The following FECH variants were observed in gnomAD, a reference collection of about 807,000 sequenced individuals.
The protein encoded by FECH is ferrochelatase, also known as ferrochelatase, mitochondrial.
FECH carries 40 observed loss-of-function variants against 56.9 expected under a neutral mutation model. The ratio of observed to expected loss-of-function variants is 0.70; its 90% CI spans 0.55 to 0.92. FECH has a LOEUF of 0.92. FECH is among the 40% of genes least tolerant of loss of function. The pLI is 0.00. For synonymous variants in FECH, 175 were observed against 198.6 expected (o/e 0.88, Z 1.00); for missense variants, 431 against 529.1 (o/e 0.81, Z 1.82).
chr18:57,567,584 G>A (rs989807845), intron 4 of FECH, among the ~76,000 whole-genome samples: 1 of 152,176 alleles, frequency 6.6e-6, no homozygotes, highest in African/African-American at 2.4e-5. Flanking sequence ...TGAGTGTCAG[G>A]TAATAAATAA....
At chr18:57,560,638 G>C (rs2122276044) in intron 6 of FECH, among the ~76,000 whole-genome samples, 1 of 152,318 alleles carries the variant, frequency 6.6e-6, no homozygotes, top group Admixed American at 6.5e-5. Context: ...GCAACAGAGT[G>C]AAACCCTGCC....
At chr18:57,581,891 C>G (rs1317428540) in intron 1 of FECH, among the ~76,000 whole-genome samples, 2 of 152,148 alleles carry the variant, frequency 1.3e-5, no homozygotes, top group Non-Finnish European at 2.9e-5. Flanking sequence ...AGATTGTACA[C>G]ATTCCTAGCA....
intron 3 of FECH, among the ~76,000 whole-genome samples, chr18:57,572,333 G>A (rs2051122130): frequency 1.3e-5 from 2 of 151,894 alleles, no homozygotes; most frequent in Admixed American, 1.3e-4. Flanking sequence ...AACACCGCAT[G>A]TTCTCACTCA....
intron 6 of FECH, among the ~76,000 whole-genome samples, chr18:57,560,064 A>G (rs554847661): frequency 1.1e-4 from 16 of 152,360 alleles, no homozygotes; most frequent in African/African-American, 3.8e-4. Flanking sequence ...GCTACAAAAG[A>G]CACAAATGGG....
At chr18:57,554,773 A>G in intron 8 of FECH, 72 bp downstream of exon 8, 1 of 1,295,454 alleles carries the variant, frequency 7.7e-7, no homozygotes. Context: ...AGCCAAATCT[A>G]ACCATTTTAT....
intron 7 of FECH, 65 bp from the exon 8 acceptor site, chr18:57,555,017 A>G (rs542677284): frequency 1.6e-6 from 2 of 1,232,562 alleles, no homozygotes; most frequent in Non-Finnish European, 2.4e-6. Flanking sequence ...GCCTCTGACT[A>G]TGTGCTGACA....
chr18:57,551,352 C>T lies in FECH; in HGVS notation c.1100G>A (p.Arg367Lys). 1 of 1,613,164 alleles carries T rather than the reference C, an allele frequency of 6.2e-7. No individual in the cohort carries two copies. The highest frequency in any genetic ancestry group is 8.5e-7 in the Non-Finnish European group (1 of 1,179,288). ...AKECGVENIR[R>K]AESLNGNPLF... Reference sequence around the variant, plus strand: ...TGGATTTCCATTAAGAGACTCAGCTCTTCTGATGTTTTCAACTCCACACTG... The same window carrying T: ...TGGATTTCCATTAAGAGACTCAGCTTTTCTGATGTTTTCAACTCCACACTG... The change falls in exon 10 of 11, where the codon AGA becomes AAA. Residue 367 changes from arginine to lysine, a missense_variant. By Grantham distance (26) the Arg-to-Lys change is conservative. Transcript: ENST00000262093.
In FECH at chr18:57,545,120, T is replaced by C. The variant is rs2050702965; in HGVS notation, c.*5592A>G. Among the ~76,000 whole-genome samples, 1 of 152,196 alleles carries C rather than the reference T, an allele frequency of 6.6e-6. No homozygotes were observed. Among genetic ancestry groups the C allele is most frequent in the Non-Finnish European group, 1.5e-5 (1 of 68,038 alleles). ...TGGAGAGGGGAAGTTGGCCTGTCTG[T>C]TCCCATTTCAGGAGCAGGCTAAGAG... is the stretch of plus-strand genomic sequence containing the variant. On this transcript the variant is annotated 3_prime_UTR_variant, in exon 11 of 11. Transcript: ENST00000262093.
In FECH at chr18:57,573,263, C is replaced by T; in HGVS notation, c.297G>A (p.Met99Ile). ...LLRLFLDRDL[M>I]TLPIQNKLAP... ...TATCTCACTTCTGAATAGGAAGTGT[C>T]ATGAGGTCTCGGTCCAAGAAGAGTC... is the stretch of plus-strand genomic sequence containing the variant. Residue 99 changes from methionine to isoleucine, a missense_variant, in exon 3 of 11, where the codon ATG becomes ATA. By Grantham distance (10) the Met-to-Ile change is conservative. Coordinates refer to ENST00000262093, the MANE Select transcript of FECH (RefSeq NM_000140.5). The T allele has an allele frequency of 1.2e-6, 2 of 1,613,622 alleles. No individual in the cohort carries two copies. The highest frequency in any genetic ancestry group is 1.7e-6 in the Non-Finnish European group (2 of 1,179,520).
In FECH at chr18:57,577,540, C is replaced by G. The variant is rs572438040; in HGVS notation, c.194+2533G>C. On this transcript the variant is annotated intron_variant, in intron 2 of 10. Transcript: ENST00000262093. ...TCAGAAGAATCCACAAAGACACTCA[C>G]TGCTTCACCATTTCTAATATTAAAA... is the stretch of plus-strand genomic sequence containing the variant. 2.2e-4 allele frequency among the ~76,000 whole-genome samples: 33 copies of G among 152,358 alleles called. No individual in the cohort carries two copies. In the East Asian group the frequency reaches 6.2e-3, roughly 28 times the overall value.
rs1555680152 is a variant in FECH at position 57,563,031 on chromosome 18, T to A, written c.599-51A>T. On this transcript the variant is annotated intron_variant, in intron 5 of 10. Transcript: ENST00000262093. ...AGATGCATTTTGATTATGGTGAAAATAAAAAACAGACTCGTAAAGGTAGTA... is the reference window on the plus strand; with the variant it reads ...AGATGCATTTTGATTATGGTGAAAAAAAAAAACAGACTCGTAAAGGTAGTA... The A allele has an allele frequency of 6.9e-7, 1 of 1,454,652 alleles. No homozygotes were observed. Among genetic ancestry groups the A allele is most frequent in the Non-Finnish European group, 9.6e-7 (1 of 1,042,514 alleles). The allele number at this position is 1,454,652 out of a possible 1,614,324, so 90.1% of individuals were successfully genotyped here.
At chr18:57,561,631 A>C (rs763086167) in intron 6 of FECH, among the ~76,000 whole-genome samples, 1 of 152,230 alleles carries the variant, frequency 6.6e-6, no homozygotes. Context: ...TCCTCAGTTA[A>C]GAGACCTTTC....
Position 57,583,031 on chromosome 18 carries a change from CT to C in FECH, c.68-2833del, listed in dbSNP as rs563257693. On this transcript the variant is annotated intron_variant, in intron 1 of 10. Coordinates refer to ENST00000262093, the MANE Select transcript of FECH (RefSeq NM_000140.5). Reference sequence around the variant, plus strand: ...TCAAGCTGCTTAACTATTACCATGTCTTACTTACAAAATTATTTTCTCCATG... The same window carrying C: ...TCAAGCTGCTTAACTATTACCATGTCTACTTACAAAATTATTTTCTCCATG... Among the ~76,000 whole-genome samples, 211 of 152,178 alleles carry C rather than the reference CT, an allele frequency of 1.4e-3. 1 individual carries two copies. The highest frequency in any genetic ancestry group is 5.0e-3 in the African/African-American group (207 of 41,518).
chr18:57,577,304 T>A (rs1286392844), intron 2 of FECH, among the ~76,000 whole-genome samples: 2 of 149,630 alleles, frequency 1.3e-5, no homozygotes, highest in African/African-American at 4.8e-5. Context: ...CCCCTCATTG[T>A]TTATGTAATA....
At chr18:57,561,444 CGCCATGG>C (rs2122278839) in intron 6 of FECH, among the ~76,000 whole-genome samples, 1 of 152,212 alleles carries the variant, frequency 6.6e-6, no homozygotes, top group East Asian at 1.9e-4. Flanking sequence ...AAAACTGAGG[CGCCATGG>C]GCAAGGAGAA....
At chr18:57,573,505 T>TA in intron 2 of FECH, 140 bp from the exon 3 acceptor site, 1 of 978,292 alleles carries the variant, frequency 1.0e-6, no homozygotes, top group South Asian at 1.3e-5. Flanking sequence ...GTCACACAGA[T>TA]ACCTATTCGG....
chr18:57,580,784 T>C (rs1029427255), intron 1 of FECH, among the ~76,000 whole-genome samples: 1 of 152,092 alleles, frequency 6.6e-6, no homozygotes, highest in African/African-American at 2.4e-5. Flanking sequence ...CAAGGAGACA[T>C]GCCACCCCAG....
Position 57,571,546 on chromosome 18 carries a change from T to C in FECH, c.315-6A>G. 2 of 1,614,018 alleles carry C rather than the reference T, an allele frequency of 1.2e-6. No homozygotes were observed. Among genetic ancestry groups the C allele is most frequent in the Non-Finnish European group, 1.7e-6 (2 of 1,180,010 alleles). ...CGATGAATGGTGCCAGCTTACTAAA[T>C]CATTTAACATACAGGTAAGTGGATT... On this transcript the variant is annotated splice_region_variant and splice_polypyrimidine_tract_variant and intron_variant, in intron 3 of 10. Coordinates refer to ENST00000262093, the MANE Select transcript of FECH (RefSeq NM_000140.5).
rs1393092323 is a variant in FECH, at chr18:57,550,851, A to G, written c.1138-5T>C. 1 of 1,613,390 alleles carries G rather than the reference A, an allele frequency of 6.2e-7. No individual in the cohort carries two copies. The highest frequency in any genetic ancestry group is 1.7e-5 in the Admixed American group (1 of 60,032). On this transcript the variant is annotated splice_polypyrimidine_tract_variant and splice_region_variant and intron_variant, in intron 10 of 10. Transcript: ENST00000262093. ...ATGCACCAAGTCGGCCAGGGCCTGG[A>G]AGATAGACAAGAGGCAAAGACGCAT...
Sources: gnomAD v4.1 joint callset for allele counts (sites outside exome capture counted in the v4.1 genomes callset) on GRCh38, gnomAD v4.1.1 for gene constraint, MANE v1.5 for transcripts, NCBI Gene and HGNC (gene_info 2026-07-23, HGNC 2026-07-21) for gene names.